NECAB1: variants seen among roughly 807,000 people sequenced by gnomAD.
The protein encoded by NECAB1 is N-terminal EF-hand calcium-binding protein 1.
A neutral mutation model predicts 57.5 loss-of-function variants in NECAB1; 29 were observed. The ratio of observed to expected loss-of-function variants is 0.50; its 90% CI spans 0.38 to 0.69. The LOEUF (loss-of-function observed/expected upper bound fraction) is 0.69. NECAB1 is among the 30% of genes least tolerant of loss of function. The probability of loss-of-function intolerance (pLI) is 0.00; values close to 1 mark genes in which losing one functional copy is unlikely to be tolerated. For synonymous variants in NECAB1, 142 were observed against 147.7 expected, an observed-to-expected ratio of 0.96 and a Z score of 0.28; for missense variants, 372 against 413.8, an observed-to-expected ratio of 0.90 and a Z score of 0.88.
intron 3 of NECAB1, among the ~76,000 whole-genome samples, chr8:90,829,610 A>G (rs117262819): frequency 2.9e-3 from 441 of 152,122 alleles, no homozygotes; most frequent in Non-Finnish European, 3.8e-3. Context: ...GATGACTGAT[A>G]TCTTCTGATC....
chr8:90,824,925 A>G (rs1812198876), intron 3 of NECAB1, 100 bp downstream of exon 3: 2 of 520,796 alleles, frequency 3.8e-6, no homozygotes, highest in South Asian at 1.2e-4. Context: ...TATAGAGGGT[A>G]TATTTTGCCA....
At chr8:90,852,074 G>C (rs1338013388) in intron 3 of NECAB1, among the ~76,000 whole-genome samples, 1 of 152,112 alleles carries the variant, frequency 6.6e-6, no homozygotes, top group Admixed American at 6.6e-5. Context: ...TATTTAGAAA[G>C]TGGGTATTGT....
chr8:90,948,315 A>G (rs1810854143), intron 10 of NECAB1, among the ~76,000 whole-genome samples: 1 of 152,222 alleles, frequency 6.6e-6, no homozygotes, highest in African/African-American at 2.4e-5. Context: ...ATTCCATAGT[A>G]AACCTTTCTC....
chr8:90,897,305 CT>C (rs1809380501), intron 5 of NECAB1, among the ~76,000 whole-genome samples: 1 of 152,158 alleles, frequency 6.6e-6, no homozygotes, highest in African/African-American at 2.4e-5. Context: ...GTTTGGTAAA[CT>C]TAGCACCAAA....
chr8:90,912,976 C>T (rs1441502695), intron 5 of NECAB1, among the ~76,000 whole-genome samples: 1 of 152,072 alleles, frequency 6.6e-6, no homozygotes, highest in Non-Finnish European at 1.5e-5. Context: ...AGAAGCAGTG[C>T]CCCTTGCTAA....
At chr8:90,825,444 G>A (rs1001741166) in intron 3 of NECAB1, among the ~76,000 whole-genome samples, 2 of 151,820 alleles carry the variant, frequency 1.3e-5, no homozygotes, top group Non-Finnish European at 2.9e-5. Flanking sequence ...AGGGTATAGA[G>A]CAATAGAAAT....
chr8:90,873,078 C>T (rs73694321), intron 4 of NECAB1, among the ~76,000 whole-genome samples: 6,338 of 152,092 alleles, frequency 0.042, 459 homozygotes, highest in African/African-American at 0.14. Context: ...AGATGTTATA[C>T]GAGAACAAAA....
At chr8:90,902,439 T>C (rs1193466909) in intron 5 of NECAB1, among the ~76,000 whole-genome samples, 4 of 151,992 alleles carry the variant, frequency 2.6e-5, no homozygotes, top group Admixed American at 2.6e-4. Flanking sequence ...GAACAAACAA[T>C]TATTACTATT....
Position 90,934,376 on chromosome 8 carries a change from TA to T in NECAB1, c.747+24del. 1 of 1,382,798 alleles carries T rather than the reference TA, an allele frequency of 7.2e-7. No homozygotes were observed. The highest frequency in any genetic ancestry group is 2.7e-5 in the Admixed American group (1 of 36,874). 85.7% of individuals were successfully genotyped at this position (1,382,798 alleles called of 1,614,324 possible). ...TAAATCTGTAAGTATTTTTATCAGG[TA>T]AAAATGTTAGAAATATATTCTTTAA... On this transcript the variant is annotated intron_variant, in intron 9 of 12. Transcript: ENST00000417640.
chr8:90,944,720 C>T (rs1398189930), intron 10 of NECAB1, among the ~76,000 whole-genome samples: 2 of 152,026 alleles, frequency 1.3e-5, no homozygotes, highest in East Asian at 1.9e-4. Flanking sequence ...ATTTCATAGT[C>T]GTTAAATAGA....
Position 90,879,022 on chromosome 8 carries a change from T to C in NECAB1, c.260-2011T>C, listed in dbSNP as rs1467934986. 1.2e-4 allele frequency among the ~76,000 whole-genome samples: 17 copies of C among 143,900 alleles called. No individual in the cohort carries two copies. In the East Asian group the frequency reaches 3.3e-3, roughly 28 times the overall value. 94.4% of individuals were successfully genotyped at this position (143,900 alleles called of 152,430 possible). A position where few individuals can be genotyped will look rare whatever the true frequency, so the allele number is the denominator to read the frequency against. ...ATAGATATCTATATTATATATAATA[T>C]ATATTATATTTATTATTTATTATTT... is the stretch of plus-strand genomic sequence containing the variant. On this transcript the variant is annotated intron_variant, in intron 4 of 12. Transcript: ENST00000417640.
chr8:90,886,024 T>C (rs1272570929), intron 5 of NECAB1, among the ~76,000 whole-genome samples: 1 of 152,196 alleles, frequency 6.6e-6, no homozygotes, highest in Non-Finnish European at 1.5e-5. Flanking sequence ...AATCAAAAGA[T>C]GAAGGTGCAT....
At chr8:90,936,276 G>A (rs904695443) in intron 9 of NECAB1, among the ~76,000 whole-genome samples, 3 of 152,058 alleles carry the variant, frequency 2.0e-5, no homozygotes, top group Admixed American at 6.6e-5. Flanking sequence ...GTGAATGCTT[G>A]AGAACTTGGA....
chr8:90,909,984 TTTTA>T (rs1357449636), intron 5 of NECAB1, among the ~76,000 whole-genome samples: 2 of 152,060 alleles, frequency 1.3e-5, no homozygotes, highest in African/African-American at 2.4e-5. Flanking sequence ...CTCAAATCCC[TTTTA>T]TTTGTTTTCT....
intron 3 of NECAB1, among the ~76,000 whole-genome samples, chr8:90,831,646 A>G (rs1435892644): frequency 6.6e-6 from 1 of 151,914 alleles, no homozygotes; most frequent in African/African-American, 2.4e-5. Context: ...TGACCATCTG[A>G]TTGTTTCCAT....
chr8:90,932,151 G>A (rs1239482034), intron 8 of NECAB1, among the ~76,000 whole-genome samples: 1 of 152,030 alleles, frequency 6.6e-6, no homozygotes, highest in African/African-American at 2.4e-5. Context: ...TTGTACCTTA[G>A]TTAGTGTCAG....
intron 5 of NECAB1, among the ~76,000 whole-genome samples, chr8:90,888,095 T>G (rs949227878): frequency 6.6e-6 from 1 of 152,188 alleles, no homozygotes; most frequent in Non-Finnish European, 1.5e-5. Flanking sequence ...TGATAAATTA[T>G]TTTTATTTTG....
At chr8:90,850,699 G>T (rs1277824288) in intron 3 of NECAB1, among the ~76,000 whole-genome samples, 2 of 152,088 alleles carry the variant, frequency 1.3e-5, no homozygotes, top group South Asian at 2.1e-4. Context: ...TCTTCTTACT[G>T]GGGTTCAAGC....
At chr8:90,805,340 G>T in intron 2 of NECAB1, among the ~76,000 whole-genome samples, 1 of 151,842 alleles carries the variant, frequency 6.6e-6, no homozygotes, top group African/African-American at 2.4e-5. Flanking sequence ...AAAGGAAGAA[G>T]AGGCAATAGG....
Sources: allele counts gnomAD v4.1 joint callset (sites outside exome capture counted in the v4.1 genomes callset), GRCh38; gene constraint gnomAD v4.1.1; transcripts MANE v1.5; gene names NCBI Gene and HGNC (gene_info 2026-07-23, HGNC 2026-07-21).